Variants in PTPRT observed in about 807,000 individuals in gnomAD.
The protein encoded by PTPRT is receptor-type tyrosine-protein phosphatase T.
In PTPRT, 56 loss-of-function variants were observed where a neutral mutation model predicts 176.8. The observed-to-expected ratio is 0.32, with a 90% CI of 0.26 to 0.40. The LOEUF (loss-of-function observed/expected upper bound fraction) is 0.40. Ranked by LOEUF, PTPRT falls within the 10% of genes least tolerant of loss-of-function variation. The pLI, the probability that PTPRT is intolerant of heterozygous loss-of-function variation, is 1.00. For missense variants in PTPRT, 1,540 were observed against 1,908.2 expected, an observed-to-expected ratio of 0.81 and a Z score of 3.60; for synonymous variants, 783 against 739.0, an observed-to-expected ratio of 1.06 and a Z score of -0.96.
chr20:42,371,254 CA>C (rs967124617), intron 9 of PTPRT, among the ~76,000 whole-genome samples: 5 of 152,178 alleles, frequency 3.3e-5, no homozygotes, highest in African/African-American at 1.2e-4. Context: ...TAAGGACATC[CA>C]AAAGGCACCA....
chr20:42,825,951 C>A (rs2077985525), intron 2 of PTPRT, among the ~76,000 whole-genome samples: 1 of 151,958 alleles, frequency 6.6e-6, no homozygotes, highest in Non-Finnish European at 1.5e-5. Context: ...GGGCTGAAAA[C>A]AAAATTACCT....
intron 7 of PTPRT, among the ~76,000 whole-genome samples, chr20:42,529,029 C>A (rs1340294404): frequency 6.6e-6 from 1 of 152,112 alleles, no homozygotes; most frequent in Non-Finnish European, 1.5e-5. Context: ...ATGCTTCCTG[C>A]GAGAACTAGC....
At chr20:43,045,455 A>ATT (rs143406929) in intron 1 of PTPRT, among the ~76,000 whole-genome samples, 3,660 of 127,124 alleles carry the variant, frequency 0.029, 293 homozygotes, top group African/African-American at 0.11. Context: ...TCTTTTTTTC[A>ATT]TTTTTTTTTT....
At chr20:42,705,991 G>C (rs1028809027) in intron 6 of PTPRT, among the ~76,000 whole-genome samples, 15 of 151,998 alleles carry the variant, frequency 9.9e-5, no homozygotes, top group African/African-American at 3.6e-4. Context: ...CTGTATAATG[G>C]GGAGAGGTTG....
chr20:43,000,055 AAGGGAAGGAGGGAGGG>A (rs1310402937), intron 1 of PTPRT, among the ~76,000 whole-genome samples: 1 of 113,620 alleles, frequency 8.8e-6, no homozygotes, highest in Non-Finnish European at 1.8e-5. Context: ...GGAAGGGAAG[AAGGGAAGGAGGGAGGG>A]AGGGAGGGAG....
intron 7 of PTPRT, among the ~76,000 whole-genome samples, chr20:42,475,379 A>G (rs1003000424): frequency 6.6e-6 from 1 of 152,262 alleles, no homozygotes; most frequent in South Asian, 2.1e-4. Flanking sequence ...AAATCTCACT[A>G]CCTGGGAGGA....
At chr20:43,030,302 G>A (rs1986088786) in intron 1 of PTPRT, among the ~76,000 whole-genome samples, 1 of 152,318 alleles carries the variant, frequency 6.6e-6, no homozygotes, top group South Asian at 2.1e-4. Flanking sequence ...CTTGAAGGAA[G>A]CCATTGCTCT....
At chr20:42,501,324 T>C (rs1033914658) in intron 7 of PTPRT, among the ~76,000 whole-genome samples, 1 of 152,196 alleles carries the variant, frequency 6.6e-6, no homozygotes, top group African/African-American at 2.4e-5. Flanking sequence ...TACATGAATA[T>C]CCCACATTTA....
chr20:43,016,665 G>A lies in PTPRT; in HGVS notation c.89-130733C>T, dbSNP rs967182095. 2.1e-5 allele frequency among the ~76,000 whole-genome samples: 3 copies of A among 144,532 alleles called. No homozygotes were observed. The South Asian group carries it at 6.6e-4, about 32-fold the overall frequency. The allele number at this position is 144,532 out of a possible 152,430, so 94.8% of individuals were successfully genotyped here. On this transcript the variant is annotated intron_variant, in intron 1 of 30. Coordinates refer to ENST00000373187, the MANE Select transcript of PTPRT (RefSeq NM_007050.6). ...AGTAATCCTCCTGCCTCAGCCTTCC[G>A]AGTAGCTGGGACTATAGGTGCATCA...
At chr20:42,436,455 A>G (rs2059262946) in intron 9 of PTPRT, among the ~76,000 whole-genome samples, 1 of 152,200 alleles carries the variant, frequency 6.6e-6, no homozygotes, top group Non-Finnish European at 1.5e-5. Flanking sequence ...CTACCTCATT[A>G]ATAATAGAGG....
At chr20:42,050,071 G>C in the PTPRT span, among the ~76,000 whole-genome samples, 1 of 152,220 alleles carries the variant, frequency 6.6e-6, no homozygotes, top group African/African-American at 2.4e-5. Context: ...GAACTCCAGG[G>C]ATGCTTGCAT....
chr20:43,079,264 C>T (rs1024841951), intron 1 of PTPRT, among the ~76,000 whole-genome samples: 2 of 144,104 alleles, frequency 1.4e-5, no homozygotes, highest in African/African-American at 5.1e-5. Flanking sequence ...TGATAAGCAC[C>T]ATTTCTGTTC....
chr20:42,811,065 C>A (rs879682985), intron 2 of PTPRT, among the ~76,000 whole-genome samples: 2 of 152,164 alleles, frequency 1.3e-5, no homozygotes, highest in Admixed American at 1.3e-4. Flanking sequence ...GCTTCAACCA[C>A]TGTGAACATC....
At chr20:42,777,966 G>A (rs2077161294) in intron 4 of PTPRT, among the ~76,000 whole-genome samples, 1 of 152,128 alleles carries the variant, frequency 6.6e-6, no homozygotes, top group Non-Finnish European at 1.5e-5. Flanking sequence ...CCCAACAGGA[G>A]CACATTATGC....
At chr20:42,445,764 A>C (rs1284256989) in intron 9 of PTPRT, among the ~76,000 whole-genome samples, 1 of 152,196 alleles carries the variant, frequency 6.6e-6, no homozygotes, top group African/African-American at 2.4e-5. Flanking sequence ...AATCCATGGG[A>C]ATGCCAACAT....
intron 7 of PTPRT, among the ~76,000 whole-genome samples, chr20:42,627,426 C>T (rs1486780766): frequency 1.3e-5 from 2 of 152,050 alleles, no homozygotes; most frequent in Admixed American, 6.6e-5. Flanking sequence ...TATGCTACCA[C>T]ACCCAGCTAA....
At chr20:42,265,248 A>G (rs1035677146) in intron 13 of PTPRT, among the ~76,000 whole-genome samples, 1 of 152,100 alleles carries the variant, frequency 6.6e-6, no homozygotes, top group East Asian at 1.9e-4. Flanking sequence ...TCTAATGTCT[A>G]TGGGCACAGA....
chr20:42,658,768 A>G (rs1172796368), intron 7 of PTPRT, among the ~76,000 whole-genome samples: 2 of 152,232 alleles, frequency 1.3e-5, no homozygotes, highest in Middle Eastern at 3.2e-3. Context: ...AGTATTCAGG[A>G]TCCATAAAAA....
intron 1 of PTPRT, among the ~76,000 whole-genome samples, chr20:43,127,866 C>T (rs1271790895): frequency 6.6e-6 from 1 of 152,184 alleles, no homozygotes; most frequent in East Asian, 1.9e-4. Flanking sequence ...CCATGCTAGA[C>T]TTAGGCTAAC....
Sources: allele counts gnomAD v4.1 joint callset (sites outside exome capture counted in the v4.1 genomes callset), GRCh38; gene constraint gnomAD v4.1.1; transcripts MANE v1.5; gene names NCBI Gene and HGNC (gene_info 2026-07-23, HGNC 2026-07-21).